Variants in DENND2B observed in about 807,000 individuals in gnomAD.
The protein encoded by DENND2B is DENN domain containing 2B, also known as DENN domain-containing protein 2B.
DENND2B carries 32 observed loss-of-function variants against 116.0 expected under a neutral mutation model. The ratio of observed to expected loss-of-function variants is 0.28; its 90% confidence interval spans 0.21 to 0.37. The LOEUF (loss-of-function observed/expected upper bound fraction) is 0.37, where lower values mean the gene tolerates loss of function less well. Among genes scored for constraint, DENND2B ranks in the 10% least tolerant of loss-of-function variants. DENND2B has a pLI of 1.00. For synonymous variants in DENND2B, 588 were observed against 583.9 expected (o/e 1.01, Z -0.10); for missense variants, 1,276 against 1,477.7 (o/e 0.86, Z 2.24).
chr11:8,867,935 A>G (rs1176100040), intron 2 of DENND2B, among the ~76,000 whole-genome samples: 1 of 152,148 alleles, frequency 6.6e-6, no homozygotes, highest in African/African-American at 2.4e-5. Flanking sequence ...AGGCACATCA[A>G]CTTACCTAAG....
At chr11:8,769,997 A>G (rs2056578060) in intron 1 of DENND2B, among the ~76,000 whole-genome samples, 1 of 152,126 alleles carries the variant, frequency 6.6e-6, no homozygotes, top group African/African-American at 2.4e-5. Flanking sequence ...AAGGGGCAAA[A>G]AAAGATTTCT....
intron 1 of DENND2B, among the ~76,000 whole-genome samples, chr11:8,888,462 C>A (rs2063986856): frequency 6.6e-6 from 1 of 152,130 alleles, no homozygotes; most frequent in African/African-American, 2.4e-5. Flanking sequence ...AGACCTAAAA[C>A]AATAAAATTC....
intron 1 of DENND2B, among the ~76,000 whole-genome samples, chr11:8,751,042 T>C (rs1423779134): frequency 6.6e-6 from 1 of 151,790 alleles, no homozygotes; most frequent in Non-Finnish European, 1.5e-5. Context: ...CAATCGGCAC[T>C]CTGTATCTAG....
chr11:8,766,053 A>G (rs2055703709), intron 1 of DENND2B, among the ~76,000 whole-genome samples: 1 of 152,150 alleles, frequency 6.6e-6, no homozygotes, highest in African/African-American at 2.4e-5. Flanking sequence ...ACCTACTTAT[A>G]AAAGAAAACT....
intron 1 of DENND2B, among the ~76,000 whole-genome samples, chr11:8,789,728 A>G (rs753564678): frequency 7.9e-5 from 12 of 151,958 alleles, no homozygotes; most frequent in Non-Finnish European, 1.6e-4. Flanking sequence ...AGAAGTGTCT[A>G]AAACTGAACT....
intron 2 of DENND2B, among the ~76,000 whole-genome samples, chr11:8,734,825 T>A (rs1268606779): frequency 2.7e-5 from 4 of 147,814 alleles, no homozygotes; most frequent in Admixed American, 1.3e-4. Flanking sequence ...AGATCACATA[T>A]CTCAGAGAAT....
chr11:8,828,438 G>C (rs1283701379), intron 4 of DENND2B, among the ~76,000 whole-genome samples: 1 of 152,128 alleles, frequency 6.6e-6, no homozygotes, highest in Non-Finnish European at 1.5e-5. Context: ...CAATGCAGCT[G>C]TATCTGCGGG....
chr11:8,804,212 C>T (rs2060616651), intron 1 of DENND2B, among the ~76,000 whole-genome samples: 1 of 152,226 alleles, frequency 6.6e-6, no homozygotes, highest in African/African-American at 2.4e-5. Flanking sequence ...AAAGGACACT[C>T]TCAAGTACCT....
In DENND2B at chr11:8,730,647, T is replaced by A; in HGVS notation, c.643A>T (p.Ser215Cys). The A allele has an allele frequency of 6.2e-7, 1 of 1,612,846 alleles. No homozygotes were observed. The highest frequency in any genetic ancestry group is 1.1e-5 in the South Asian group (1 of 91,072). The change falls in exon 3 of 20, where the codon AGC becomes TGC. Residue 215 changes from serine to cysteine, a missense_variant. By Grantham distance (112) the Ser-to-Cys change is moderately radical. This residue lies in a region of DENND2B where 856 missense variants were observed against 846.6 expected (regional missense o/e 1.01). Transcript: ENST00000313726. This position sits in a 1 kb window ranked among gnomAD's most constrained non-coding sequence, Gnocchi z 4.1. The stretch of plus-strand genomic sequence containing the variant: ...TTGAAATCAAAGGTCTTTTCAGAGC[T>A]GCAGGGGGACGGCACCACGCTGGGA... Reference protein sequence around the residue: ...GCPSVVPSPCSSEKTFDFKGL... With the variant: ...GCPSVVPSPCCSEKTFDFKGL...
intron 1 of DENND2B, among the ~76,000 whole-genome samples, chr11:8,891,439 G>A (rs528701854): frequency 2.0e-5 from 3 of 152,302 alleles, no homozygotes; most frequent in Admixed American, 6.5e-5. Flanking sequence ...AAAAGACACA[G>A]ACTAGTAAAT....
At chr11:8,849,489 T>G (rs1400241218) in intron 3 of DENND2B, among the ~76,000 whole-genome samples, 12 of 34,448 alleles carry the variant, frequency 3.5e-4, no homozygotes, top group African/African-American at 1.2e-3. Context: ...CTAGACTGTC[T>G]CAAAAAAAAA....
At chr11:8,888,249 G>A (rs1594343093) in intron 1 of DENND2B, among the ~76,000 whole-genome samples, 2 of 152,128 alleles carry the variant, frequency 1.3e-5, no homozygotes, top group East Asian at 3.9e-4. Context: ...CACATTTCCT[G>A]AAACAGCTTG....
upstream of DENND2B, among the ~76,000 whole-genome samples, chr11:8,872,056 C>A (rs1466958056): frequency 6.6e-6 from 1 of 152,198 alleles, no homozygotes; most frequent in Non-Finnish European, 1.5e-5. Context: ...ATTTACATTT[C>A]TAAGGAACCA....
At chr11:8,884,052 TATAGAG>T (rs2063931657) in intron 1 of DENND2B, among the ~76,000 whole-genome samples, 1 of 152,238 alleles carries the variant, frequency 6.6e-6, no homozygotes, top group South Asian at 2.1e-4. Flanking sequence ...GATTTTCCTC[TATAGAG>T]ATACAGTTCC....
chr11:8,811,601 TC>T (rs1213742065), upstream of DENND2B: 2 of 357,260 alleles, frequency 5.6e-6, no homozygotes, highest in Non-Finnish European at 1.0e-5. Flanking sequence ...TCCCTTCCTC[TC>T]CCCCCTACCC....
intron 2 of DENND2B, among the ~76,000 whole-genome samples, chr11:8,862,885 T>G (rs1275522744): frequency 6.6e-6 from 1 of 152,102 alleles, no homozygotes; most frequent in African/African-American, 2.4e-5. Context: ...GCGACTCAAA[T>G]GTAGACAGAG....
At chr11:8,775,671 A>G (rs2057523360) in intron 1 of DENND2B, among the ~76,000 whole-genome samples, 2 of 152,198 alleles carry the variant, frequency 1.3e-5, no homozygotes, top group Admixed American at 1.3e-4. Context: ...CAGGAGGAAG[A>G]CGTCCTTGGA....
intron 3 of DENND2B, among the ~76,000 whole-genome samples, chr11:8,844,384 A>T (rs1303896964): frequency 1.2e-4 from 19 of 152,192 alleles, no homozygotes; most frequent in Non-Finnish European, 2.8e-4. Context: ...TGGGTGACAG[A>T]GCAGAACTCT....
At chr11:8,828,082 G>A (rs1177485044) in intron 4 of DENND2B, among the ~76,000 whole-genome samples, 2 of 152,152 alleles carry the variant, frequency 1.3e-5, no homozygotes, top group East Asian at 3.9e-4. Flanking sequence ...CAAGGCCAAG[G>A]CCATTCAGAC....
Sources: gnomAD v4.1 joint callset for allele counts (sites outside exome capture counted in the v4.1 genomes callset) on GRCh38, gnomAD v4.1.1 for gene constraint, gnomAD v4.1.1 regional missense constraint, Gnocchi (gnomAD v3.1) non-coding constraint, MANE v1.5 for transcripts, NCBI Gene and HGNC (gene_info 2026-07-23, HGNC 2026-07-21) for gene names.